Variants in TATDN2 observed in about 807,000 individuals in gnomAD.
TATDN2 encodes the protein TatD DNase domain containing 2, also known as 3'-5' RNA nuclease TATDN2.
Under a neutral mutation model 60.3 loss-of-function variants are expected in TATDN2, and 44 were observed. The observed-to-expected ratio is 0.73, with a 90% CI of 0.57 to 0.94. The LOEUF (loss-of-function observed/expected upper bound fraction) is 0.94, where lower values mean the gene tolerates loss of function less well. TATDN2 is among the 40% of genes least tolerant of loss of function. The pLI is 0.00. For synonymous variants in TATDN2, 399 were observed against 355.8 expected, an observed-to-expected ratio of 1.12 and a Z score of -1.37; for missense variants, 997 against 948.0, an observed-to-expected ratio of 1.05 and a Z score of -0.68.
intron 2 of TATDN2, among the ~76,000 whole-genome samples, chr3:10,251,631 C>A (rs1434802563): frequency 6.6e-6 from 1 of 152,022 alleles, no homozygotes. Context: ...AGTGATCTGA[C>A]CGCCTCAGCC....
Position 10,270,778 on chromosome 3 carries a change from C to T in TATDN2, c.1596C>T (p.Gly532=), listed in dbSNP as rs768006717. 2.5e-6 allele frequency: 4 copies of T among 1,614,224 alleles called. No homozygotes were observed. The highest frequency in any genetic ancestry group is 3.4e-6 in the Non-Finnish European group (4 of 1,180,042). The change falls in exon 4 of 8, where the codon GGC becomes GGT. Residue 532 remains glycine (G), a synonymous_variant. Transcript: ENST00000448281. ...YSSSFPKEFQ[G]CISDFCDPRT... ...GCTCCTTCCCTAAGGAATTTCAGGG[C>T]TGCATCTCTGACTTCTGTGATCCCC...
Position 10,270,887 on chromosome 3 carries a change from C to T in TATDN2, c.1705C>T (p.Arg569Cys), listed in dbSNP as rs750329499. Residue 569 changes from arginine to cysteine, a missense_variant, in exon 4 of 8, where the codon CGT becomes TGT. Physicochemically the swap from Arg to Cys is radical, Grantham distance 180. Transcript: ENST00000448281. ...CTTTGGCTGTCACCCTCATTTTGCA[C>T]GTTACTACAGTGAGAGTCAAGAAAG... ...GAFGCHPHFA[R>C]YYSESQERNL... The T allele has an allele frequency of 3.7e-5, 60 of 1,614,052 alleles. No homozygotes were observed. The highest frequency in any genetic ancestry group is 4.6e-5 in the Non-Finnish European group (54 of 1,180,038).
chr3:10,250,645 T>G (rs1222204198), intron 2 of TATDN2, among the ~76,000 whole-genome samples: 3 of 152,218 alleles, frequency 2.0e-5, no homozygotes, highest in African/African-American at 7.2e-5. Context: ...TGGGGACTCA[T>G]AGGCTAAGTG....
chr3:10,267,205 G>GC (rs1248670703), intron 3 of TATDN2, among the ~76,000 whole-genome samples: 2 of 151,298 alleles, frequency 1.3e-5, no homozygotes. Flanking sequence ...ACAGGCGTGA[G>GC]CCCCCTTGCC....
At chr3:10,268,240 G>A (rs1409502246) in intron 3 of TATDN2, among the ~76,000 whole-genome samples, 1 of 152,186 alleles carries the variant, frequency 6.6e-6, no homozygotes, top group Non-Finnish European at 1.5e-5. Flanking sequence ...AGTATAAAAT[G>A]GGAAATGGGT....
At chr3:10,276,008 C>T (rs571056854) in intron 4 of TATDN2, among the ~76,000 whole-genome samples, 50 of 152,242 alleles carry the variant, frequency 3.3e-4, no homozygotes, top group African/African-American at 1.1e-3. Flanking sequence ...CTGCCCTGCC[C>T]CTGCCACCCC....
At chr3:10,267,451 CTGTT>C (rs3072535) in intron 3 of TATDN2, among the ~76,000 whole-genome samples, 19,993 of 151,846 alleles carry the variant, frequency 0.13, 1,827 homozygotes, top group African/African-American at 0.25. Context: ...TTAAATTTCC[CTGTT>C]TGTTTGATGA....
rs1243862216 is a variant in TATDN2 at position 10,280,133 on chromosome 3, G to C, written c.*951G>C. 6.5e-6 allele frequency: 1 copy of C among 153,820 alleles called. No homozygotes were observed. The highest frequency in any genetic ancestry group is 1.5e-5 in the Non-Finnish European group (1 of 68,090). 9.5% of individuals were successfully genotyped at this position (153,820 alleles called of 1,614,324 possible). On this transcript the variant is annotated 3_prime_UTR_variant, in exon 8 of 8. Coordinates refer to ENST00000448281, the MANE Select transcript of TATDN2 (RefSeq NM_014760.4). The stretch of plus-strand genomic sequence containing the variant: ...TACAGTCCTTTGTGTACCCCGCCCA[G>C]GTTGAGAGGTGAATCAGCGTAATTC...
intron 4 of TATDN2, among the ~76,000 whole-genome samples, chr3:10,275,701 G>T (rs973108015): frequency 6.6e-6 from 1 of 151,912 alleles, no homozygotes; most frequent in African/African-American, 2.4e-5. Context: ...AGCTGCAATT[G>T]CACCACTACA....
At position 10,270,851 on chromosome 3, in the gene TATDN2, G is replaced by A. The variant is rs1470076771; in HGVS notation, c.1669G>A (p.Val557Ile). The change falls in exon 4 of 8, where the codon GTC becomes ATC. Residue 557 changes from valine (V) to isoleucine (I), a missense_variant. Physicochemically the swap from Val to Ile is conservative, Grantham distance 29. Transcript: ENST00000448281. Reference sequence around the variant, plus strand: ...GGAGGAGCTGTTGAAAGAGGATCTGGTCTGGGGGGCCTTTGGCTGTCACCC... The same window carrying A: ...GGAGGAGCTGTTGAAAGAGGATCTGATCTGGGGGGCCTTTGGCTGTCACCC... ...LWEELLKEDL[V>I]WGAFGCHPHF... 20 of 1,614,086 alleles carry A rather than the reference G, an allele frequency of 1.2e-5. No homozygotes were observed. Among genetic ancestry groups the A allele is most frequent in the Non-Finnish European group, 1.7e-5 (20 of 1,180,044 alleles).
In TATDN2 at chr3:10,260,599, A is replaced by G. The variant is rs1421334681; in HGVS notation, c.877A>G (p.Thr293Ala). 6.2e-7 allele frequency: 1 copy of G among 1,614,174 alleles called. No individual in the cohort carries two copies. Reference sequence around the variant, plus strand: ...TGAGGAGCCCCTTGGGGACCGAAGGACTGTCATTGACAAATGCTCTCCACC... The same window carrying G: ...TGAGGAGCCCCTTGGGGACCGAAGGGCTGTCATTGACAAATGCTCTCCACC... ...PSEEPLGDRR[T>A]VIDKCSPPLE... Residue 293 changes from threonine (T) to alanine (A), a missense_variant, in exon 3 of 8, where the codon ACT becomes GCT. By Grantham distance (58) the Thr-to-Ala change is moderately conservative (BLOSUM62 0). Transcript: ENST00000448281.
At chr3:10,269,159 G>A (rs1285513353) in intron 3 of TATDN2, among the ~76,000 whole-genome samples, 1 of 152,164 alleles carries the variant, frequency 6.6e-6, no homozygotes, top group Non-Finnish European at 1.5e-5. Flanking sequence ...CCTACATGTG[G>A]CCTCTCTAGC....
chr3:10,264,572 C>A (rs1384474774), intron 3 of TATDN2, among the ~76,000 whole-genome samples: 1 of 151,986 alleles, frequency 6.6e-6, no homozygotes, highest in East Asian at 1.9e-4. Context: ...TCTTCTTTTT[C>A]TGGACCATCT....
rs1429321756 is a variant in TATDN2 at position 10,248,901 on chromosome 3, A to C, written c.-173A>C. 1 of 367,132 alleles carries C rather than the reference A, an allele frequency of 2.7e-6. No homozygotes were observed. Among genetic ancestry groups the C allele is most frequent in the African/African-American group, 2.1e-5 (1 of 47,950 alleles). The allele number at this position is 367,132 out of a possible 1,614,324, so 22.7% of individuals were successfully genotyped here. ...CCCCGGAAGCGCTTAGGCATCTCCG[A>C]AGTAGCGCTGGGCAAAGTGAAGGCT... On this transcript the variant is annotated 5_prime_UTR_variant, in exon 1 of 8. Transcript: ENST00000448281.
rs1374609314 is a variant in TATDN2 at position 10,268,209 on chromosome 3, G to A, written c.949-1922G>A. Among the ~76,000 whole-genome samples, 7 of 152,350 alleles carry A rather than the reference G, an allele frequency of 4.6e-5. No homozygotes were observed. The South Asian group carries it at 1.0e-3, about 23-fold the overall frequency. On this transcript the variant is annotated intron_variant, in intron 3 of 7. Transcript: ENST00000448281. The stretch of plus-strand genomic sequence containing the variant: ...TATTTCTGCCATTCAAGCAGTAGCT[G>A]TGAGAAGTCTAAGGCAGGAAAGTAT...
At position 10,276,499 on chromosome 3, in the gene TATDN2, T is replaced by G; in HGVS notation, c.1961+11T>G. 1 of 1,613,022 alleles carries G rather than the reference T, an allele frequency of 6.2e-7. No individual in the cohort carries two copies. ...CTACAAGATCCATAGGTTAGAAGAC[T>G]GGAACTTCAGCGGGCAAATGAAAGA... On this transcript the variant is annotated intron_variant, in intron 5 of 7. Coordinates refer to ENST00000448281, the MANE Select transcript of TATDN2 (RefSeq NM_014760.4).
chr3:10,267,136 G>A (rs1338746529), intron 3 of TATDN2, among the ~76,000 whole-genome samples: 1 of 151,854 alleles, frequency 6.6e-6, no homozygotes, highest in Non-Finnish European at 1.5e-5. Flanking sequence ...GCCCAGGCTG[G>A]TCTGGAATTC....
At chr3:10,272,204 A>G (rs1237893241) in intron 4 of TATDN2, among the ~76,000 whole-genome samples, 1 of 152,004 alleles carries the variant, frequency 6.6e-6, no homozygotes, top group African/African-American at 2.4e-5. Context: ...TCCTGGGCTC[A>G]AGTGATCCTC....
rs997880441 is a variant in TATDN2 at position 10,279,391 on chromosome 3, T to A, written c.*209T>A. Reference sequence around the variant, plus strand: ...TGGGTGGGGTGGGGTGGGCATGGAATGAGGGGTATGGGGACTGCCTGTAAT... The same window carrying A: ...TGGGTGGGGTGGGGTGGGCATGGAAAGAGGGGTATGGGGACTGCCTGTAAT... On this transcript the variant is annotated 3_prime_UTR_variant, in exon 8 of 8. Transcript: ENST00000448281. The A allele has an allele frequency of 4.4e-6, 1 of 229,296 alleles. No homozygotes were observed. The highest frequency in any genetic ancestry group is 8.6e-6 in the Non-Finnish European group (1 of 115,930). The allele number at this position is 229,296 out of a possible 1,614,324, so 14.2% of individuals were successfully genotyped here.
Sources: gnomAD v4.1 joint callset for allele counts (sites outside exome capture counted in the v4.1 genomes callset) on GRCh38, gnomAD v4.1.1 for gene constraint, MANE v1.5 for transcripts, NCBI Gene and HGNC (gene_info 2026-07-23, HGNC 2026-07-21) for gene names.